The following UNC80 variants were observed in gnomAD, a reference collection of about 807,000 sequenced individuals.
The protein encoded by UNC80 is protein unc-80 homolog.
In UNC80, 164 loss-of-function variants were observed where a neutral mutation model predicts 384.6. That is an observed-to-expected ratio of 0.43 (90% CI 0.38 to 0.49). The LOEUF (loss-of-function observed/expected upper bound fraction) is 0.49, where lower values mean the gene tolerates loss of function less well. UNC80 is among the 20% of genes least tolerant of loss of function. UNC80 has a pLI of 0.00. For missense variants in UNC80, 3,330 were observed against 4,143.0 expected, an observed-to-expected ratio of 0.80 and a Z score of 5.39; for synonymous variants, 1,486 against 1,527.8, an observed-to-expected ratio of 0.97 and a Z score of 0.64.
chr2:209,967,455 C>T lies in UNC80; in HGVS notation c.7824C>T (p.His2608=), dbSNP rs991919554. Residue 2608 remains histidine, a synonymous_variant, in exon 52 of 65, where the codon CAC becomes CAT. Transcript: ENST00000673920. ...ATTTTAGGTTGGCAGAAATTGCACA[C>T]TCCCTTCTGAAGCTGGCACCATATG... ...KSHMRLAEIA[H]SLLKLAPYDT... 7.1e-6 allele frequency: 11 copies of T among 1,550,992 alleles called. No homozygotes were observed. In the African/African-American group the frequency reaches 9.6e-5, roughly 14 times the overall value.
chr2:209,928,396 A>C (rs1043711400), intron 36 of UNC80, among the ~76,000 whole-genome samples: 1 of 152,166 alleles, frequency 6.6e-6, no homozygotes, highest in African/African-American at 2.4e-5. Context: ...GTGAAATGAC[A>C]TACTCCAAAC....
Position 209,995,365 on chromosome 2 carries a change from G to A in UNC80, c.9745G>A (p.Glu3249Lys), listed in dbSNP as rs1444642834. The A allele has an allele frequency of 1.9e-6, 3 of 1,552,158 alleles. No homozygotes were observed. The Admixed American group carries it at 5.9e-5, about 30-fold the overall frequency. Residue 3249 changes from glutamate to lysine, a missense_variant, in exon 65 of 65, where the codon GAG becomes AAG. Around this residue, in one of 8 missense-constraint regions of UNC80, gnomAD observed 236 missense variants for 254.9 expected, o/e 0.93. Transcript: ENST00000673920. ...CCCCACTGAAGAAGGAGAAAAGGAGGAGGACACAGAAGCACAAGGTGCTAC... is the reference window on the plus strand; with the variant it reads ...CCCCACTGAAGAAGGAGAAAAGGAGAAGGACACAGAAGCACAAGGTGCTAC... ...NFPTEEGEKE[E>K]DTEAQGATAH...
intron 26 of UNC80, among the ~76,000 whole-genome samples, 186 bp downstream of exon 26, chr2:209,888,446 C>T (rs576998842): frequency 2.0e-5 from 3 of 152,244 alleles, no homozygotes; most frequent in Admixed American, 2.0e-4. Flanking sequence ...AGAGGCCTGG[C>T]TTCCAATTCC....
chr2:209,954,930 G>A (rs1314829183), intron 48 of UNC80, among the ~76,000 whole-genome samples: 4 of 152,154 alleles, frequency 2.6e-5, no homozygotes, highest in African/African-American at 9.7e-5. Context: ...GGGTGCCGAA[G>A]CAGAGTCACT....
chr2:209,874,981 T>G (rs1377930987), intron 23 of UNC80, among the ~76,000 whole-genome samples: 1 of 152,176 alleles, frequency 6.6e-6, no homozygotes, highest in Non-Finnish European at 1.5e-5. Flanking sequence ...ATCCCACCTC[T>G]TTCATGTCAC....
intron 35 of UNC80, among the ~76,000 whole-genome samples, chr2:209,923,938 C>A (rs970859813): frequency 6.6e-6 from 1 of 151,890 alleles, no homozygotes; most frequent in Non-Finnish European, 1.5e-5. Flanking sequence ...TATGTGCCTG[C>A]CGTTTTAAAA....
In UNC80 at chr2:209,959,949, A is replaced by G. The variant is rs189279936; in HGVS notation, c.7805+242A>G. Among the ~76,000 whole-genome samples the G allele has an allele frequency of 3.5e-4, 54 of 152,362 alleles. 2 individuals are homozygous for G. The highest frequency in any genetic ancestry group is 6.5e-4 in the Admixed American group (10 of 15,304). ...CTTAAGATAGAAAAGCACAGTTTAT[A>G]TATGTGCTTCTCAATAAAAGAGAAA... On this transcript the variant is annotated intron_variant, in intron 51 of 64. Coordinates refer to ENST00000673920, the MANE Select transcript of UNC80 (RefSeq NM_001371986.1).
Position 209,894,303 on chromosome 2 carries a change from G to T in UNC80, c.4417G>T (p.Asp1473Tyr). The change falls in exon 27 of 65, where the codon GAC (aspartate) becomes TAC (tyrosine). Residue 1473 changes from aspartate (D) to tyrosine (Y), a missense_variant. By Grantham distance (160) the Asp-to-Tyr change is radical (BLOSUM62 -3). This residue lies in a region of UNC80 where 801 missense variants were observed against 950.8 expected (regional missense o/e 0.84). Transcript: ENST00000673920. ...SLKSSKLSRQ[D>Y]SESEAEELQL... ...AAAGAGCAGCAAGTTATCACGGCAGGACTCAGAGTCTGAGGCTGAGGAGCT... is the reference window on the plus strand; with the variant it reads ...AAAGAGCAGCAAGTTATCACGGCAGTACTCAGAGTCTGAGGCTGAGGAGCT... The T allele has an allele frequency of 2.0e-6, 2 of 985,360 alleles. No homozygotes were observed. 61.0% of individuals were successfully genotyped at this position (985,360 alleles called of 1,614,324 possible).
intron 1 of UNC80, among the ~76,000 whole-genome samples, chr2:209,772,423 G>C (rs1359856636): frequency 3.3e-5 from 5 of 151,990 alleles, no homozygotes; most frequent in Non-Finnish European, 7.4e-5. Flanking sequence ...TTAGGGGGTG[G>C]GAGGGCAGAG....
chr2:209,799,012 A>G (rs1307696682), intron 7 of UNC80, among the ~76,000 whole-genome samples: 1 of 150,822 alleles, frequency 6.6e-6, no homozygotes, highest in African/African-American at 2.4e-5. Context: ...GTTCTTTGAT[A>G]CCATATACAA....
At chr2:209,892,634 G>A (rs1022701844) in intron 26 of UNC80, among the ~76,000 whole-genome samples, 3 of 152,122 alleles carry the variant, frequency 2.0e-5, no homozygotes, top group Non-Finnish European at 1.5e-5. Flanking sequence ...AAGAATATTA[G>A]CGTGTGCCTC....
chr2:209,817,087 G>A lies in UNC80; in HGVS notation c.1514G>A (p.Arg505Gln), dbSNP rs967949743. 25 of 1,551,570 alleles carry A rather than the reference G, an allele frequency of 1.6e-5. No individual in the cohort carries two copies. Among genetic ancestry groups the A allele is most frequent in the African/African-American group, 2.7e-5 (2 of 73,010 alleles). The change falls in exon 10 of 65, where the codon CGA (arginine) becomes CAA (glutamine). Residue 505 changes from arginine (R) to glutamine (Q), a missense_variant. Arg to Gln is a conservative substitution (Grantham distance 43, BLOSUM62 1). Coordinates refer to ENST00000673920, the MANE Select transcript of UNC80 (RefSeq NM_001371986.1). ...GSFSGLGEDR[R>Q]GIEKGGWQTT... ...TTCTCTGGGCTGGGAGAAGACAGGCGAGGAATTGAGAAAGGAGGCTGGCAA... is the reference window on the plus strand; with the variant it reads ...TTCTCTGGGCTGGGAGAAGACAGGCAAGGAATTGAGAAAGGAGGCTGGCAA...
At chr2:209,925,102 T>G (rs2090324854) in intron 35 of UNC80, among the ~76,000 whole-genome samples, 1 of 151,652 alleles carries the variant, frequency 6.6e-6, no homozygotes, top group Non-Finnish European at 1.5e-5. Context: ...TTTTTTTTTT[T>G]GTTGTTTTTT....
At chr2:209,961,776 G>A (rs1408790192) in intron 51 of UNC80, among the ~76,000 whole-genome samples, 1 of 152,110 alleles carries the variant, frequency 6.6e-6, no homozygotes, top group Non-Finnish European at 1.5e-5. Flanking sequence ...GGGGCCAAGG[G>A]AAAATTTCCC....
At chr2:209,944,591 A>G (rs922674873) in intron 45 of UNC80, among the ~76,000 whole-genome samples, 2 of 152,210 alleles carry the variant, frequency 1.3e-5, no homozygotes, top group African/African-American at 4.8e-5. Context: ...ATTTAAAGCC[A>G]TTTTAAATAG....
chr2:209,844,170 A>C (rs547905715), intron 21 of UNC80, among the ~76,000 whole-genome samples: 1 of 152,254 alleles, frequency 6.6e-6, no homozygotes, highest in African/African-American at 2.4e-5. Flanking sequence ...ATTATAAAGA[A>C]ATTTTCTTGT....
chr2:209,955,692 A>AATATATATATAT (rs57804600), intron 48 of UNC80, among the ~76,000 whole-genome samples: 20 of 51,586 alleles, frequency 3.9e-4, no homozygotes, highest in Admixed American at 6.3e-4. Context: ...CTGTATTTCT[A>AATATATATATAT]ATATATATAT....
chr2:209,802,700 A>G (rs1368905881), intron 7 of UNC80, among the ~76,000 whole-genome samples: 3 of 105,822 alleles, frequency 2.8e-5, no homozygotes, highest in Non-Finnish European at 4.5e-5. Flanking sequence ...TGTAACACAC[A>G]TTTATTATCT....
chr2:209,973,573 G>A (rs2092937128), intron 56 of UNC80, among the ~76,000 whole-genome samples: 1 of 152,138 alleles, frequency 6.6e-6, no homozygotes, highest in Admixed American at 6.5e-5. Context: ...AAATTACTTG[G>A]CTGTTTTATA....
Sources: allele counts gnomAD v4.1 joint callset (sites outside exome capture counted in the v4.1 genomes callset), GRCh38; gene constraint gnomAD v4.1.1; regional missense constraint gnomAD v4.1.1; transcripts MANE v1.5; gene names NCBI Gene and HGNC (gene_info 2026-07-23, HGNC 2026-07-21).